Variants in CNGB1 observed in about 807,000 individuals in gnomAD.
The protein encoded by CNGB1 is cyclic nucleotide-gated channel beta-1.
CNGB1 carries 126 observed loss-of-function variants against 151.7 expected under a neutral mutation model. The observed-to-expected ratio is 0.83, with a 90% CI of 0.72 to 0.96. CNGB1 has a LOEUF of 0.96. Among genes scored for constraint, CNGB1 ranks in the 40% least tolerant of loss-of-function variants. CNGB1 has a pLI of 0.00. For missense variants in CNGB1, 1,698 were observed against 1,627.0 expected, an observed-to-expected ratio of 1.04 and a Z score of -0.75; for synonymous variants, 623 against 635.1, an observed-to-expected ratio of 0.98 and a Z score of 0.29.
intron 25 of CNGB1, among the ~76,000 whole-genome samples, chr16:57,909,320 T>G (rs1189163091): frequency 1.3e-5 from 2 of 152,190 alleles, no homozygotes; most frequent in African/African-American, 4.8e-5. Flanking sequence ...ATGGGAACTC[T>G]CTCTACTTTC....
At chr16:57,921,370 C>G (rs68192852) in intron 18 of CNGB1, among the ~76,000 whole-genome samples, 3 of 151,648 alleles carry the variant, frequency 2.0e-5, no homozygotes, top group Admixed American at 6.6e-5. Flanking sequence ...TACAGGTGCA[C>G]GCCACCAAGC....
chr16:57,924,048 T>C (rs962424445), intron 17 of CNGB1, among the ~76,000 whole-genome samples: 4 of 152,170 alleles, frequency 2.6e-5, no homozygotes, highest in Admixed American at 2.6e-4. Context: ...TTATGGTGTC[T>C]AGATCTGAAA....
At chr16:57,965,701 T>G (rs1371566250) in intron 2 of CNGB1, among the ~76,000 whole-genome samples, 2 of 151,156 alleles carry the variant, frequency 1.3e-5, no homozygotes, top group Non-Finnish European at 3.0e-5. Flanking sequence ...TAGAAATACA[T>G]GAGTACACTC....
Position 57,964,186 on chromosome 16 carries a change from G to A in CNGB1, c.234C>T (p.Ala78=), listed in dbSNP as rs754313759. ...DPSPQETKEA[A]LTSTISLRAQ... is the part of the protein sequence containing the mutation. ...CCCGGAGGGATATGGTGGAAGTAAG[G>A]GCAGCCTCCTTGGTCTCTGGAAAAG... is the stretch of plus-strand genomic sequence containing the variant. Residue 78 remains alanine (A), a synonymous_variant, in exon 4 of 33, where the codon GCC becomes GCT. Transcript: ENST00000251102. 1.2e-6 allele frequency: 2 copies of A among 1,614,120 alleles called. No homozygotes were observed. The highest frequency in any genetic ancestry group is 3.3e-4 in the Middle Eastern group (2 of 6,060).
At position 57,950,511 on chromosome 16, in the gene CNGB1, G is replaced by T; in HGVS notation, c.904C>A (p.Pro302Thr). The change falls in exon 13 of 33, where the codon CCT becomes ACT. Residue 302 changes from proline (P) to threonine (T), a missense_variant. Pro to Thr is a conservative substitution (Grantham distance 38). Transcript: ENST00000251102. ...TCAACCTCCTCTAGGACAAGGTCAG[G>T]CTCCACTTGTCCTCCAGGAAGGATG... ...ISILPGGQVE[P>T]DLVLEEVEPP... 1 of 1,614,196 alleles carries T rather than the reference G, an allele frequency of 6.2e-7. No homozygotes were observed. The highest frequency in any genetic ancestry group is 8.5e-7 in the Non-Finnish European group (1 of 1,180,036).
chr16:57,954,248 G>T (rs1303053890), intron 12 of CNGB1, among the ~76,000 whole-genome samples: 2 of 152,124 alleles, frequency 1.3e-5, no homozygotes, highest in Non-Finnish European at 2.9e-5. Context: ...CTCATCACCA[G>T]TTTGAGACCT....
intron 12 of CNGB1, chr16:57,955,481 C>A (rs1411482670): frequency 7.8e-6 from 7 of 900,954 alleles, no homozygotes; most frequent in Non-Finnish European, 1.2e-5. Flanking sequence ...GACACATATC[C>A]CCCAGCCTCT....
chr16:57,907,434 A>T (rs574922983), intron 25 of CNGB1, among the ~76,000 whole-genome samples: 7 of 152,366 alleles, frequency 4.6e-5, no homozygotes, highest in Admixed American at 6.5e-5. Flanking sequence ...CCAGGTTATT[A>T]ACTCCTTTCC....
At chr16:57,895,748 C>G (rs1960205909) in intron 31 of CNGB1, among the ~76,000 whole-genome samples, 1 of 151,820 alleles carries the variant, frequency 6.6e-6, no homozygotes, top group South Asian at 2.1e-4. Flanking sequence ...CAGGATACTG[C>G]AAGGGAAGTA....
At chr16:57,958,197 C>T (rs1163359275) in intron 11 of CNGB1, among the ~76,000 whole-genome samples, 2 of 152,224 alleles carry the variant, frequency 1.3e-5, no homozygotes, top group African/African-American at 4.8e-5. Context: ...TGCTCCCCCA[C>T]GGAAGCACCT....
At chr16:57,940,393 G>GGGGAA in intron 14 of CNGB1, 72 bp from the exon 15 acceptor site, 1 of 1,433,512 alleles carries the variant, frequency 7.0e-7, no homozygotes, top group Non-Finnish European at 9.6e-7. Flanking sequence ...CAGCCCTGCT[G>GGGGAA]AGGGCCACGC....
chr16:57,897,322 A>AAAGGTACTGT, intron 31 of CNGB1, 75 bp downstream of exon 31: 1 of 1,487,234 alleles, frequency 6.7e-7, no homozygotes, highest in South Asian at 1.2e-5. Context: ...AAAAAAAGAT[A>AAAGGTACTGT]AAGGTACTGT....
chr16:57,934,809 T>C (rs1322819304), intron 16 of CNGB1, among the ~76,000 whole-genome samples: 1 of 151,730 alleles, frequency 6.6e-6, no homozygotes, highest in Admixed American at 6.6e-5. Context: ...ATACAAAAAT[T>C]CCCCAGGCCT....
intron 32 of CNGB1, among the ~76,000 whole-genome samples, chr16:57,887,259 T>C (rs1191945746): frequency 6.6e-6 from 1 of 152,060 alleles, no homozygotes; most frequent in African/African-American, 2.4e-5. Context: ...GACATTTGCT[T>C]CTCATACCCT....
intron 12 of CNGB1, among the ~76,000 whole-genome samples, chr16:57,953,509 A>AAG (rs1328332402): frequency 1.3e-5 from 2 of 151,322 alleles, no homozygotes; most frequent in African/African-American, 2.4e-5. Context: ...AAAAAAAAAA[A>AAG]AAAGAAAGTC....
chr16:57,886,264 C>T (rs1426892606), intron 32 of CNGB1, among the ~76,000 whole-genome samples: 1 of 152,134 alleles, frequency 6.6e-6, no homozygotes, highest in East Asian at 1.9e-4. Context: ...TTTAATGGAA[C>T]ACTCATGCAA....
chr16:57,893,475 C>T lies in CNGB1; in HGVS notation c.3242+3922G>A, dbSNP rs552390280. Among the ~76,000 whole-genome samples, 550 of 152,194 alleles carry T rather than the reference C, an allele frequency of 3.6e-3. 5 individuals are homozygous for T. Among genetic ancestry groups the T allele is most frequent in the Admixed American group, 5.4e-3 (82 of 15,272 alleles). ...GCTCTCTTGTATGACAGGCACCCCA[C>T]CGGAGACATTCCTGCACACTATTTA... On this transcript the variant is annotated intron_variant, in intron 31 of 32. Coordinates refer to ENST00000251102, the MANE Select transcript of CNGB1 (RefSeq NM_001297.5).
chr16:57,928,105 C>G (rs1428951074), intron 17 of CNGB1, among the ~76,000 whole-genome samples: 6 of 152,234 alleles, frequency 3.9e-5, no homozygotes, highest in African/African-American at 1.4e-4. Flanking sequence ...GAGTTACAGA[C>G]AGCCTCCCTT....
At chr16:57,893,225 T>G (rs1960141103) in intron 31 of CNGB1, among the ~76,000 whole-genome samples, 1 of 151,848 alleles carries the variant, frequency 6.6e-6, no homozygotes, top group African/African-American at 2.4e-5. Flanking sequence ...AACTGAAAAA[T>G]TATAGGGTGA....
Sources: allele counts gnomAD v4.1 joint callset (sites outside exome capture counted in the v4.1 genomes callset), GRCh38; gene constraint gnomAD v4.1.1; transcripts MANE v1.5; gene names NCBI Gene and HGNC (gene_info 2026-07-23, HGNC 2026-07-21).